Variants in PLAGL2 observed in about 807,000 individuals in gnomAD.
PLAGL2 encodes zinc finger protein PLAGL2.
Under a neutral mutation model 29.0 loss-of-function variants are expected in PLAGL2, and 7 were observed. The ratio of observed to expected loss-of-function variants is 0.24; its 90% CI spans 0.14 to 0.45. PLAGL2 has a LOEUF of 0.45. Among genes scored for constraint, PLAGL2 ranks in the 20% least tolerant of loss-of-function variants. PLAGL2 has a pLI of 0.99. For missense variants in PLAGL2, 454 were observed against 648.2 expected (o/e 0.70, Z 3.25); for synonymous variants, 234 against 266.0 (o/e 0.88, Z 1.17).
Position 32,197,827 on chromosome 20 carries a change from A to G in PLAGL2, c.261-145T>C. On this transcript the variant is annotated intron_variant, in intron 2 of 2. Coordinates refer to ENST00000246229, the MANE Select transcript of PLAGL2 (RefSeq NM_002657.3). This position sits in a 1 kb window ranked among gnomAD's most constrained non-coding sequence, Gnocchi z 6.6. ...TGCAATGCAATACCAAACCAGTTATATTCTACAGATATCCTTGCCTATCTG... is the reference window on the plus strand; with the variant it reads ...TGCAATGCAATACCAAACCAGTTATGTTCTACAGATATCCTTGCCTATCTG... 1.5e-6 allele frequency: 1 copy of G among 652,350 alleles called. No individual in the cohort carries two copies. The highest frequency in any genetic ancestry group is 1.8e-5 in the African/African-American group (1 of 55,254). The allele number at this position is 652,350 out of a possible 1,614,324, so 40.4% of individuals were successfully genotyped here.
chr20:32,195,516 TTGCAGACCTGTGAGAAAAC>T lies in PLAGL2; in HGVS notation c.*917_*935del, dbSNP rs1377344919. ...ATAATGTACTTGGAGAAAAACAGAA[TTGCAGACCTGTGAGAAAAC>T]TGCTCCAATCCTCTTGCCTGTCTTC... On this transcript the variant is annotated 3_prime_UTR_variant, in exon 3 of 3. Coordinates refer to ENST00000246229, the MANE Select transcript of PLAGL2 (RefSeq NM_002657.3). 6.6e-6 allele frequency: 1 copy of T among 152,652 alleles called. No homozygotes were observed. The highest frequency in any genetic ancestry group is 6.5e-5 in the Admixed American group (1 of 15,284). 9.5% of individuals were successfully genotyped at this position (152,652 alleles called of 1,614,324 possible).
chr20:32,197,517 G>C lies in PLAGL2; in HGVS notation c.426C>G (p.Tyr142Ter). Residue 142 changes from tyrosine to a stop codon, truncating the protein, a stop_gained, in exon 3 of 3, where the codon TAC becomes TAG. Transcript: ENST00000246229. LOFTEE classifies it high-confidence loss of function. This position sits in a 1 kb window ranked among gnomAD's most constrained non-coding sequence, Gnocchi z 6.6. ...CGKNYNTKLG[Y>*]RRHLAMHAAS... ...CAGCATGCATGGCCAGGTGGCGCCGGTAGCCCAGCTTCGTATTGTAATTCT... is the reference window on the plus strand; with the variant it reads ...CAGCATGCATGGCCAGGTGGCGCCGCTAGCCCAGCTTCGTATTGTAATTCT... The C allele has an allele frequency of 6.2e-7, 1 of 1,614,180 alleles. No individual in the cohort carries two copies. The highest frequency in any genetic ancestry group is 8.5e-7 in the Non-Finnish European group (1 of 1,180,032).
chr20:32,204,976 C>T (rs1045010794), intron 1 of PLAGL2, among the ~76,000 whole-genome samples: 1 of 152,188 alleles, frequency 6.6e-6, no homozygotes, highest in African/African-American at 2.4e-5. Context: ...GGGGAAAGAA[C>T]CTTGGACTTG....
chr20:32,194,285 C>T lies in PLAGL2; in HGVS notation c.*2167G>A, dbSNP rs2047216706. ...AACAAAGAGGATGGCAACAGCGAGT[C>T]CCAACTGGATTCTCACATACCATCA... is the stretch of plus-strand genomic sequence containing the variant. On this transcript the variant is annotated 3_prime_UTR_variant, in exon 3 of 3. Coordinates refer to ENST00000246229, the MANE Select transcript of PLAGL2 (RefSeq NM_002657.3). 2 of 152,184 alleles carry T rather than the reference C, an allele frequency of 1.3e-5. No homozygotes were observed. The highest frequency in any genetic ancestry group is 2.9e-5 in the Non-Finnish European group (2 of 68,036). 9.4% of individuals were successfully genotyped at this position (152,184 alleles called of 1,614,324 possible). A position where few individuals can be genotyped will look rare whatever the true frequency, so the allele number is the denominator to read the frequency against.
chr20:32,203,872 AG>A (rs1373858197), intron 1 of PLAGL2, among the ~76,000 whole-genome samples: 1 of 150,732 alleles, frequency 6.6e-6, no homozygotes, highest in Non-Finnish European at 1.5e-5. Context: ...AGATTTGTCT[AG>A]AAAGATCTGC....
At chr20:32,198,979 T>C (rs1452817250) in intron 2 of PLAGL2, among the ~76,000 whole-genome samples, 2 of 152,158 alleles carry the variant, frequency 1.3e-5, no homozygotes, top group African/African-American at 4.8e-5. Context: ...TCCTATATGG[T>C]TGAAAAGTGG....
At chr20:32,200,732 A>G (rs755039133) in intron 2 of PLAGL2, among the ~76,000 whole-genome samples, 5 of 152,186 alleles carry the variant, frequency 3.3e-5, no homozygotes, top group Non-Finnish European at 7.3e-5. Flanking sequence ...CTGGGACTAC[A>G]GGCATGTGCC....
intron 1 of PLAGL2, among the ~76,000 whole-genome samples, chr20:32,203,493 C>T (rs925281587): frequency 1.3e-5 from 2 of 152,214 alleles, no homozygotes; most frequent in African/African-American, 2.4e-5. Context: ...AGATTACCAA[C>T]CACGATGCAA....
chr20:32,207,524 G>A (rs1263453552), intron 1 of PLAGL2, 117 bp downstream of exon 1: 1 of 152,574 alleles, frequency 6.6e-6, no homozygotes, highest in African/African-American at 2.4e-5. Context: ...GTGGGCGACC[G>A]CGCTGAGGGG....
intron 2 of PLAGL2, among the ~76,000 whole-genome samples, chr20:32,200,568 T>G (rs866951694): frequency 3.5e-4 from 53 of 151,602 alleles, no homozygotes; most frequent in African/African-American, 1.2e-3. Context: ...GTTCCTCTAA[T>G]GCGAAAAGGA....
In PLAGL2 at chr20:32,197,491, G is replaced by C. The variant is rs1165097729; in HGVS notation, c.452C>G (p.Ala151Gly). The change falls in exon 3 of 3, where the codon GCC becomes GGC. Residue 151 changes from alanine to glycine, a missense_variant. Coordinates refer to ENST00000246229, the MANE Select transcript of PLAGL2 (RefSeq NM_002657.3). This position sits in a 1 kb window ranked among gnomAD's most constrained non-coding sequence, Gnocchi z 6.6. ...GYRRHLAMHA[A>G]SSGDLSCKVC... ...CTTGCAGCTGAGGTCACCGCTGCTG[G>C]CAGCATGCATGGCCAGGTGGCGCCG... is the stretch of plus-strand genomic sequence containing the variant. 1 of 1,613,728 alleles carries C rather than the reference G, an allele frequency of 6.2e-7. No homozygotes were observed. The highest frequency in any genetic ancestry group is 8.5e-7 in the Non-Finnish European group (1 of 1,180,032).
intron 1 of PLAGL2, among the ~76,000 whole-genome samples, chr20:32,206,992 G>A (rs551436468): frequency 6.6e-6 from 1 of 152,244 alleles, no homozygotes; most frequent in East Asian, 1.9e-4. Flanking sequence ...CTGGAAGGCT[G>A]GGGGGATGGG....
Position 32,202,292 on chromosome 20 carries a change from C to T in PLAGL2, c.-114G>A. ...CAGCTTTCAGAAAACAATCTCTTCA[C>T]CTGAAACATCAGAACACCTGGTGTT... On this transcript the variant is annotated splice_region_variant and 5_prime_UTR_variant, in exon 2 of 3. It adds an upstream start codon to the 5' untranslated region. Transcript: ENST00000246229. 9.6e-7 allele frequency: 1 copy of T among 1,041,208 alleles called. No homozygotes were observed. 64.5% of individuals were successfully genotyped at this position (1,041,208 alleles called of 1,614,324 possible).
chr20:32,202,991 C>T (rs2047267365), intron 1 of PLAGL2, among the ~76,000 whole-genome samples: 1 of 152,180 alleles, frequency 6.6e-6, no homozygotes, highest in South Asian at 2.1e-4. Flanking sequence ...GTCTCAGGGC[C>T]CAGACCATCC....
In PLAGL2 at chr20:32,207,731, T is replaced by G; in HGVS notation, c.-205A>C. 2.7e-6 allele frequency: 1 copy of G among 371,726 alleles called. No individual in the cohort carries two copies. Among genetic ancestry groups the G allele is most frequent in the African/African-American group, 2.2e-5 (1 of 46,278 alleles). 23.0% of individuals were successfully genotyped at this position (371,726 alleles called of 1,614,324 possible). ...GGTAGTGGCGGCGGTCGGGCCATTGTGCGGTGCATTGTGGGAGCCGCGCGA... is the reference window on the plus strand; with the variant it reads ...GGTAGTGGCGGCGGTCGGGCCATTGGGCGGTGCATTGTGGGAGCCGCGCGA... On this transcript the variant is annotated 5_prime_UTR_variant, in exon 1 of 3. Transcript: ENST00000246229.
chr20:32,206,813 C>G (rs981793476), intron 1 of PLAGL2, among the ~76,000 whole-genome samples: 1 of 152,154 alleles, frequency 6.6e-6, no homozygotes, highest in Non-Finnish European at 1.5e-5. Context: ...TTCCCCGAGC[C>G]TGGGAGAGAT....
In PLAGL2 at chr20:32,197,262, C is replaced by T; in HGVS notation, c.681G>A (p.Arg227=). ...GCGTCAGGTGGTCCTTACGGCCAAA[C>T]CGCTGGGCACAGTACTGGCACAGGA... ...KDFLCQYCAQ[R]FGRKDHLTRH... is the part of the protein sequence containing the mutation. The change falls in exon 3 of 3, where the codon CGG becomes CGA. Residue 227 remains arginine (R), a synonymous_variant. Transcript: ENST00000246229. The surrounding 1 kb of genome is among the most constrained non-coding windows in gnomAD (Gnocchi z 6.6). The T allele has an allele frequency of 4.3e-6, 7 of 1,613,644 alleles. No individual in the cohort carries two copies. The highest frequency in any genetic ancestry group is 5.9e-6 in the Non-Finnish European group (7 of 1,179,776).
At position 32,202,266 on chromosome 20, in the gene PLAGL2, G is replaced by GC; in HGVS notation, c.-89dup. ...TCTCAGCTCTGTCACAGCCTCCAAC[G>GC]CAGCTTTCAGAAAACAATCTCTTCA... On this transcript the variant is annotated 5_prime_UTR_variant, in exon 2 of 3. Coordinates refer to ENST00000246229, the MANE Select transcript of PLAGL2 (RefSeq NM_002657.3). 7.4e-7 allele frequency: 1 copy of GC among 1,354,276 alleles called. No homozygotes were observed. The highest frequency in any genetic ancestry group is 1.0e-6 in the Non-Finnish European group (1 of 974,132). 83.9% of individuals were successfully genotyped at this position (1,354,276 alleles called of 1,614,324 possible).
At chr20:32,204,391 T>TTC (rs2047275256) in intron 1 of PLAGL2, among the ~76,000 whole-genome samples, 1 of 152,216 alleles carries the variant, frequency 6.6e-6, no homozygotes, top group African/African-American at 2.4e-5. Flanking sequence ...CACAATAGTT[T>TTC]AGTAGGCTGC....
Sources: gnomAD v4.1 joint callset for allele counts (sites outside exome capture counted in the v4.1 genomes callset) on GRCh38, gnomAD v4.1.1 for gene constraint, Gnocchi (gnomAD v3.1) non-coding constraint, MANE v1.5 for transcripts, NCBI Gene and HGNC (gene_info 2026-07-23, HGNC 2026-07-21) for gene names.